SLC30A7: variants seen among roughly 807,000 people sequenced by gnomAD.
SLC30A7 encodes the protein solute carrier family 30 member 7.
Under a neutral mutation model 46.0 loss-of-function variants are expected in SLC30A7, and 35 were observed. The observed-to-expected ratio is 0.76, with a 90% CI of 0.58 to 1.01. The LOEUF (loss-of-function observed/expected upper bound fraction) is 1.01. Among genes scored for constraint, SLC30A7 ranks in the 50% least tolerant of loss-of-function variants. SLC30A7 has a pLI of 0.00. For missense variants in SLC30A7, 464 were observed against 451.1 expected (o/e 1.03, Z -0.26); for synonymous variants, 147 against 157.8 (o/e 0.93, Z 0.51).
rs925728075 is a variant in SLC30A7 at position 100,942,603 on chromosome 1, A to G, written c.843-19225A>G. On this transcript the variant is annotated intron_variant, in intron 8 of 10. Coordinates refer to ENST00000357650, the MANE Select transcript of SLC30A7 (RefSeq NM_133496.5). ...TTCAAGTGAAAAGCTGAGAATGGCCATCTGGGAAACACAAACTCCAGAGAA... is the reference window on the plus strand; with the variant it reads ...TTCAAGTGAAAAGCTGAGAATGGCCGTCTGGGAAACACAAACTCCAGAGAA... Among the ~76,000 whole-genome samples the G allele has an allele frequency of 7.9e-5, 12 of 152,360 alleles. No individual in the cohort carries two copies. The East Asian group carries it at 2.3e-3, about 29-fold the overall frequency.
chr1:100,896,739 T>A, intron 2 of SLC30A7, 68 bp downstream of exon 2: 1 of 1,337,908 alleles, frequency 7.5e-7, no homozygotes, highest in Non-Finnish European at 1.1e-6. Flanking sequence ...GTTTGCTTAA[T>A]GCCACGTAGC....
intron 8 of SLC30A7, among the ~76,000 whole-genome samples, chr1:100,926,927 A>G (rs1422785477): frequency 6.6e-6 from 1 of 152,212 alleles, no homozygotes; most frequent in Non-Finnish European, 1.5e-5. Context: ...ATAGGGTAAT[A>G]TTGGAGCAGA....
intron 2 of SLC30A7, among the ~76,000 whole-genome samples, chr1:100,905,338 T>A (rs545862403): frequency 1.8e-3 from 281 of 152,214 alleles, no homozygotes; most frequent in Middle Eastern, 0.014. Flanking sequence ...TTTTCAAAGA[T>A]TTTTTTATTT....
intron 8 of SLC30A7, among the ~76,000 whole-genome samples, chr1:100,932,009 A>G (rs2101046281): frequency 6.6e-6 from 1 of 152,338 alleles, no homozygotes; most frequent in East Asian, 1.9e-4. Flanking sequence ...GAAATGTTGT[A>G]TGTTTCATCA....
chr1:100,918,589 A>T (rs1652745775), intron 7 of SLC30A7, among the ~76,000 whole-genome samples: 1 of 152,182 alleles, frequency 6.6e-6, no homozygotes, highest in African/African-American at 2.4e-5. Flanking sequence ...TAAATTGAAG[A>T]TACTGTAGGT....
At position 100,913,787 on chromosome 1, in the gene SLC30A7, T is replaced by C. The variant is rs1379213787; in HGVS notation, c.636T>C (p.His212=). Residue 212 remains histidine (H), a synonymous_variant, in exon 6 of 11, where the codon CAT becomes CAC. Transcript: ENST00000357650. ...AAHSHDHAHG[H]GHFHSHDGPS... ...ATAGCCATGATCATGCTCATGGACA[T>C]GGACACTTTCATTCTCATGGTGAGT... is the stretch of plus-strand genomic sequence containing the variant. 23 of 1,613,908 alleles carry C rather than the reference T, an allele frequency of 1.4e-5. No homozygotes were observed. Among genetic ancestry groups the C allele is most frequent in the Non-Finnish European group, 1.9e-5 (23 of 1,179,802 alleles).
At chr1:100,948,237 A>G (rs992755928) in intron 8 of SLC30A7, among the ~76,000 whole-genome samples, 5 of 151,886 alleles carry the variant, frequency 3.3e-5, no homozygotes, top group Non-Finnish European at 5.9e-5. Context: ...CTTGTAAGGC[A>G]GGCCCACAGA....
chr1:100,909,843 G>A (rs1394423089), intron 3 of SLC30A7, among the ~76,000 whole-genome samples: 1 of 152,078 alleles, frequency 6.6e-6, no homozygotes, highest in Non-Finnish European at 1.5e-5. Context: ...GGGACTACAA[G>A]GGTAGATTAA....
At chr1:100,960,815 C>T (rs927675707) in intron 8 of SLC30A7, among the ~76,000 whole-genome samples, 1 of 151,950 alleles carries the variant, frequency 6.6e-6, no homozygotes, top group Non-Finnish European at 1.5e-5. Flanking sequence ...TTGGACATTC[C>T]CTCAAAGATT....
chr1:100,959,977 G>T (rs1243810607), intron 8 of SLC30A7, among the ~76,000 whole-genome samples: 1 of 152,154 alleles, frequency 6.6e-6, no homozygotes, highest in African/African-American at 2.4e-5. Context: ...ACTGAGTCAA[G>T]AAATATTTAG....
rs754712659 is a variant in SLC30A7 at position 100,912,170 on chromosome 1, G to T, written c.443G>T (p.Gly148Val). 8 of 1,613,724 alleles carry T rather than the reference G, an allele frequency of 5.0e-6. No homozygotes were observed. Among genetic ancestry groups the T allele is most frequent in the Non-Finnish European group, 6.8e-6 (8 of 1,179,856 alleles). The change falls in exon 5 of 11, where the codon GGG becomes GTG. Residue 148 changes from glycine to valine, a missense_variant. Physicochemically the swap from Gly to Val is moderately radical, Grantham distance 109. Transcript: ENST00000357650. The stretch of plus-strand genomic sequence containing the variant: ...AGACTGCTTCTTGTTTCCATTCTTG[G>T]GTTTGTGGTAAACCTAATAGGAATA... ...HERLLLVSILGFVVNLIGIFV... is the reference protein window; with the variant it reads ...HERLLLVSILVFVVNLIGIFV...
At chr1:100,899,576 T>C (rs963298922) in intron 2 of SLC30A7, among the ~76,000 whole-genome samples, 2 of 152,142 alleles carry the variant, frequency 1.3e-5, no homozygotes, top group African/African-American at 4.8e-5. Flanking sequence ...CTCAGCTACA[T>C]GGAGGCTGAG....
chr1:100,948,470 T>G (rs1417716648), intron 8 of SLC30A7, among the ~76,000 whole-genome samples: 2 of 152,200 alleles, frequency 1.3e-5, no homozygotes, highest in Non-Finnish European at 2.9e-5. Context: ...TGGCTGCCCT[T>G]AACATTTTTT....
intron 6 of SLC30A7, among the ~76,000 whole-genome samples, chr1:100,915,020 G>A (rs568060476): frequency 5.3e-5 from 8 of 151,794 alleles, no homozygotes; most frequent in Non-Finnish European, 1.2e-4. Context: ...TGATGAGTTT[G>A]AGGTAAGTAT....
In SLC30A7 at chr1:100,981,397, T is replaced by C. The variant is rs2101113587; in HGVS notation, c.*6540T>C. On this transcript the variant is annotated 3_prime_UTR_variant, in exon 11 of 11. Transcript: ENST00000357650. Reference sequence around the variant, plus strand: ...TGCCAAATCCCTTCTTAGTATATTTTAAGCACCCTACAACACTTTACCTCC... The same window carrying C: ...TGCCAAATCCCTTCTTAGTATATTTCAAGCACCCTACAACACTTTACCTCC... 1 of 152,312 alleles carries C rather than the reference T, an allele frequency of 6.6e-6. No individual in the cohort carries two copies. The highest frequency in any genetic ancestry group is 1.9e-4 in the East Asian group (1 of 5,188). 9.4% of individuals were successfully genotyped at this position (152,312 alleles called of 1,614,324 possible).
chr1:100,920,261 A>G (rs1652857614), intron 7 of SLC30A7, among the ~76,000 whole-genome samples: 1 of 152,032 alleles, frequency 6.6e-6, no homozygotes, highest in African/African-American at 2.4e-5. Context: ...AGCATGTATC[A>G]TATATAAGAG....
intron 8 of SLC30A7, among the ~76,000 whole-genome samples, chr1:100,934,498 A>T (rs1310889757): frequency 1.3e-5 from 2 of 152,038 alleles, no homozygotes; most frequent in Admixed American, 1.3e-4. Flanking sequence ...CTGCTTAGAT[A>T]TTTTCATATT....
intron 9 of SLC30A7, 75 bp from the exon 10 acceptor site, chr1:100,965,694 A>G (rs11166534): frequency 0.012 from 14,077 of 1,173,892 alleles, 122 homozygotes; most frequent in Non-Finnish European, 0.016. Flanking sequence ...GTTTACTGAT[A>G]TGTTGCATAA....
intron 4 of SLC30A7, among the ~76,000 whole-genome samples, chr1:100,911,741 G>C (rs961999245): frequency 4.6e-5 from 7 of 151,676 alleles, no homozygotes; most frequent in African/African-American, 1.7e-4. Flanking sequence ...TAGTAGAAAC[G>C]GGGTTTCACC....
Sources: allele counts gnomAD v4.1 joint callset (sites outside exome capture counted in the v4.1 genomes callset), GRCh38; gene constraint gnomAD v4.1.1; transcripts MANE v1.5; gene names NCBI Gene and HGNC (gene_info 2026-07-23, HGNC 2026-07-21).